The following CPLX1 variants were observed in gnomAD, a reference collection of about 807,000 sequenced individuals.
CPLX1 encodes the protein complexin-1.
A neutral mutation model predicts 15.6 loss-of-function variants in CPLX1; 6 were observed. The ratio of observed to expected loss-of-function variants is 0.39; its 90% CI spans 0.21 to 0.76. The LOEUF is 0.76. Among genes scored for constraint, CPLX1 ranks in the 30% least tolerant of loss-of-function variants. CPLX1 has a pLI of 0.43. For missense variants in CPLX1, 242 were observed against 188.6 expected (o/e 1.28, Z -1.66); for synonymous variants, 91 against 75.2 (o/e 1.21, Z -1.08).
intron 2 of CPLX1, among the ~76,000 whole-genome samples, chr4:823,705 G>C (rs745687848): frequency 3.9e-5 from 6 of 152,214 alleles, no homozygotes; most frequent in Non-Finnish European, 7.3e-5. Flanking sequence ...GCCGGGACAC[G>C]TCTGTACCAG....
At chr4:794,762 C>T (rs1405025503) in intron 2 of CPLX1, among the ~76,000 whole-genome samples, 1 of 152,200 alleles carries the variant, frequency 6.6e-6, no homozygotes, top group East Asian at 1.9e-4. Context: ...CTGGTCTCTC[C>T]CCACATTGCT....
At chr4:818,689 C>T (rs1263411663) in intron 2 of CPLX1, among the ~76,000 whole-genome samples, 3 of 152,276 alleles carry the variant, frequency 2.0e-5, no homozygotes, top group East Asian at 3.8e-4. Context: ...TCCTGGAAAC[C>T]GGCGGCTGCG....
Position 824,472 on chromosome 4 carries a change from C to A in CPLX1, c.31+20G>T, listed in dbSNP as rs1746936039. The A allele has an allele frequency of 6.2e-7, 1 of 1,609,690 alleles. No homozygotes were observed. Among genetic ancestry groups the A allele is most frequent in the African/African-American group, 1.3e-5 (1 of 74,956 alleles). On this transcript the variant is annotated intron_variant, in intron 2 of 3. Transcript: ENST00000304062. ...TCCATGTCCCCTCAGCCCCTCCCCA[C>A]CCCACCTCCCGCTTCCTACCTCCTA...
At chr4:800,424 C>A (rs1746426819) in intron 2 of CPLX1, among the ~76,000 whole-genome samples, 1 of 151,718 alleles carries the variant, frequency 6.6e-6, no homozygotes, top group African/African-American at 2.4e-5. Context: ...GAATTGAGGT[C>A]AGGAGTTCGA....
At chr4:787,509 C>A in intron 3 of CPLX1, 2 of 677,660 alleles carry the variant, frequency 3.0e-6, no homozygotes, top group Non-Finnish European at 3.6e-6. Flanking sequence ...TTTGAGGGGC[C>A]TCAAGTCCAG....
At chr4:793,425 C>T (rs1009393924) in intron 2 of CPLX1, among the ~76,000 whole-genome samples, 1 of 152,194 alleles carries the variant, frequency 6.6e-6, no homozygotes, top group East Asian at 1.9e-4. Flanking sequence ...TGCTGATTCA[C>T]AGGCCCCACA....
Position 786,677 on chromosome 4 carries a change from C to T in CPLX1, c.229G>A (p.Glu77Lys). ...RDKYGIKKKE[E>K]REAEAQAAME... ...GCGGCCTGGGCCTCGGCCTCGCGCTCCTCCTTCTTCTTGATGCCGTACTGC... is the reference window on the plus strand; with the variant it reads ...GCGGCCTGGGCCTCGGCCTCGCGCTTCTCCTTCTTCTTGATGCCGTACTGC... Residue 77 changes from glutamate to lysine, a missense_variant, in exon 4 of 4, where the codon GAG (glutamate) becomes AAG (lysine). By Grantham distance (56) the Glu-to-Lys change is moderately conservative. Coordinates refer to ENST00000304062, the MANE Select transcript of CPLX1 (RefSeq NM_006651.4). The T allele has an allele frequency of 6.2e-7, 1 of 1,609,106 alleles. No homozygotes were observed. The highest frequency in any genetic ancestry group is 8.5e-7 in the Non-Finnish European group (1 of 1,177,716).
In CPLX1 at chr4:786,655, G is replaced by A. The variant is rs747264616; in HGVS notation, c.251C>T (p.Ala84Val). ...CCCCTCGGAGTTGGCCTCCATGGCG[G>A]CCTGGGCCTCGGCCTCGCGCTCCTC... is the stretch of plus-strand genomic sequence containing the variant. ...KKEEREAEAQ[A>V]AMEANSEGSL... is the part of the protein sequence containing the mutation. Residue 84 changes from alanine to valine, a missense_variant, in exon 4 of 4, where the codon GCC becomes GTC. Physicochemically the swap from Ala to Val is moderately conservative, Grantham distance 64. Transcript: ENST00000304062. The A allele has an allele frequency of 3.1e-6, 5 of 1,611,644 alleles. No individual in the cohort carries two copies. The highest frequency in any genetic ancestry group is 1.7e-4 in the Middle Eastern group (1 of 5,976).
At chr4:789,383 G>A (rs970864037) in intron 3 of CPLX1, among the ~76,000 whole-genome samples, 2 of 152,202 alleles carry the variant, frequency 1.3e-5, no homozygotes, top group Non-Finnish European at 2.9e-5. Flanking sequence ...CTGAAAACAC[G>A]GTATTCGTGA....
chr4:808,987 CGATAGA>C (rs563045478), intron 2 of CPLX1, among the ~76,000 whole-genome samples: 153 of 152,352 alleles, frequency 1.0e-3, no homozygotes, highest in Non-Finnish European at 1.7e-3. Flanking sequence ...GGAGAGATAG[CGATAGA>C]GATAGAGAGC....
At chr4:824,680 C>T (rs142104918) in intron 1 of CPLX1, 79 bp from the exon 2 acceptor site, 23 of 801,616 alleles carry the variant, frequency 2.9e-5, no homozygotes, top group African/African-American at 6.7e-5. Context: ...CATTCCTTAC[C>T]CGCAATACCT....
At chr4:803,793 T>G (rs369849412) in intron 2 of CPLX1, among the ~76,000 whole-genome samples, 11 of 152,140 alleles carry the variant, frequency 7.2e-5, no homozygotes, top group African/African-American at 2.7e-4. Context: ...CCTCAGCCTC[T>G]CAAGTAGCTG....
chr4:808,353 T>G (rs1746596303), intron 2 of CPLX1, among the ~76,000 whole-genome samples: 2 of 152,112 alleles, frequency 1.3e-5, no homozygotes, highest in Admixed American at 1.3e-4. Context: ...GGTTACCACA[T>G]CTCCAGGAAC....
At chr4:807,034 T>C (rs927279007) in intron 2 of CPLX1, among the ~76,000 whole-genome samples, 10 of 152,232 alleles carry the variant, frequency 6.6e-5, no homozygotes, top group Admixed American at 5.9e-4. Context: ...TGTATGTTCA[T>C]TGCAGCATTA....
In CPLX1 at chr4:785,418, A is replaced by G. The variant is rs1361009426; in HGVS notation, c.*1083T>C. The G allele has an allele frequency of 6.6e-6, 1 of 152,632 alleles. No individual in the cohort carries two copies. Among genetic ancestry groups the G allele is most frequent in the African/African-American group, 2.4e-5 (1 of 41,460 alleles). 9.5% of individuals were successfully genotyped at this position (152,632 alleles called of 1,614,324 possible). On this transcript the variant is annotated 3_prime_UTR_variant, in exon 4 of 4. Transcript: ENST00000304062. Reference sequence around the variant, plus strand: ...CCCGAAACACGTGGAGACTTGATGCATTTTTGATGTGGACGAAAGGGCCCG... The same window carrying G: ...CCCGAAACACGTGGAGACTTGATGCGTTTTTGATGTGGACGAAAGGGCCCG...
chr4:796,388 C>A (rs1432951583), intron 2 of CPLX1, among the ~76,000 whole-genome samples: 1 of 152,188 alleles, frequency 6.6e-6, no homozygotes, highest in Non-Finnish European at 1.5e-5. Flanking sequence ...CGGGTTCACG[C>A]AATTCCCTTG....
chr4:788,599 C>T, intron 3 of CPLX1: 1 of 985,426 alleles, frequency 1.0e-6, no homozygotes, highest in Non-Finnish European at 1.2e-6. Context: ...AAGCCCTGAC[C>T]CTGTGGGGCA....
chr4:792,722 G>T, intron 2 of CPLX1, 114 bp from the exon 3 acceptor site: 1 of 1,136,872 alleles, frequency 8.8e-7, no homozygotes, highest in African/African-American at 1.6e-5. Flanking sequence ...CCATCCACTC[G>T]ACCCTCTGGC....
chr4:821,418 C>T (rs993006400), intron 2 of CPLX1, among the ~76,000 whole-genome samples: 13 of 152,312 alleles, frequency 8.5e-5, no homozygotes, highest in African/African-American at 2.9e-4. Flanking sequence ...AGCCCCGGCC[C>T]GCCTGCCCCA....
Sources: allele counts gnomAD v4.1 joint callset (sites outside exome capture counted in the v4.1 genomes callset), GRCh38; gene constraint gnomAD v4.1.1; transcripts MANE v1.5; gene names NCBI Gene and HGNC (gene_info 2026-07-23, HGNC 2026-07-21).